PRDM5: variants seen among roughly 807,000 people sequenced by gnomAD.
PRDM5 encodes PR domain zinc finger protein 5.
In PRDM5, 56 loss-of-function variants were observed where a neutral mutation model predicts 81.2. The ratio of observed to expected loss-of-function variants is 0.69; its 90% CI spans 0.56 to 0.86. PRDM5 has a LOEUF of 0.86. Ranked by LOEUF, PRDM5 falls within the 40% of genes least tolerant of loss-of-function variation. The probability of loss-of-function intolerance (pLI) is 0.00; values close to 1 mark genes in which losing one functional copy is unlikely to be tolerated. For synonymous variants in PRDM5, 267 were observed against 256.4 expected, an observed-to-expected ratio of 1.04 and a Z score of -0.39; for missense variants, 697 against 770.1, an observed-to-expected ratio of 0.91 and a Z score of 1.12.
At chr4:120,801,984 C>A (rs142888725) in intron 8 of PRDM5, among the ~76,000 whole-genome samples, 81 of 152,058 alleles carry the variant, frequency 5.3e-4, no homozygotes, top group Non-Finnish European at 8.1e-4. Context: ...TGTTTAATTT[C>A]TATTGATATA....
At chr4:120,822,431 C>T (rs982319673) in intron 3 of PRDM5, among the ~76,000 whole-genome samples, 3 of 152,170 alleles carry the variant, frequency 2.0e-5, no homozygotes, top group Non-Finnish European at 4.4e-5. Context: ...AAAGCCTTCT[C>T]TTCTTTGGCA....
At chr4:120,787,368 A>G (rs1458644172) in intron 10 of PRDM5, among the ~76,000 whole-genome samples, 1 of 152,208 alleles carries the variant, frequency 6.6e-6, no homozygotes, top group African/African-American at 2.4e-5. Flanking sequence ...CTGACTGGCC[A>G]GTGCAGGAAT....
At chr4:120,716,060 C>T (rs953907346) in intron 14 of PRDM5, among the ~76,000 whole-genome samples, 2 of 152,098 alleles carry the variant, frequency 1.3e-5, no homozygotes, top group African/African-American at 4.8e-5. Context: ...GCAGTTATCA[C>T]AAGAGGTTTA....
chr4:120,745,953 A>G (rs1490193994), intron 14 of PRDM5, among the ~76,000 whole-genome samples: 2 of 150,708 alleles, frequency 1.3e-5, no homozygotes, highest in Non-Finnish European at 3.0e-5. Flanking sequence ...ATATGGAACC[A>G]AAAAAGAGCC....
At chr4:120,752,387 A>T (rs1744134807) in intron 14 of PRDM5, among the ~76,000 whole-genome samples, 1 of 152,196 alleles carries the variant, frequency 6.6e-6, no homozygotes, top group Admixed American at 6.5e-5. Flanking sequence ...TCTTCTACTC[A>T]TTACTCATTG....
intron 15 of PRDM5, among the ~76,000 whole-genome samples, chr4:120,704,582 T>A (rs1390793587): frequency 6.6e-6 from 1 of 152,216 alleles, no homozygotes; most frequent in African/African-American, 2.4e-5. Flanking sequence ...CACATACTTA[T>A]CACATACAAT....
chr4:120,800,430 T>C (rs963251866), intron 8 of PRDM5, among the ~76,000 whole-genome samples: 2 of 152,022 alleles, frequency 1.3e-5, no homozygotes, highest in Non-Finnish European at 2.9e-5. Context: ...AGCAGGATGA[T>C]TGTTTGAACC....
chr4:120,895,757 A>C lies in PRDM5; in HGVS notation c.177+11717T>G, dbSNP rs1561644623. ...GCTGGCACCATCATAGCTCACTGACACCTCAACCTCCTTGACTCAAACAAT... is the reference window on the plus strand; with the variant it reads ...GCTGGCACCATCATAGCTCACTGACCCCTCAACCTCCTTGACTCAAACAAT... On this transcript the variant is annotated intron_variant, in intron 2 of 15. Transcript: ENST00000264808. 3 of 152,312 alleles carry C rather than the reference A, an allele frequency of 2.0e-5. 1 individual carries two copies. The East Asian group carries it at 5.8e-4, about 30-fold the overall frequency. 9.4% of individuals were successfully genotyped at this position (152,312 alleles called of 1,614,324 possible).
rs534862535 is a variant in PRDM5, at chr4:120,726,755, C to T, written c.1624-16342G>A. ...CTCCAGGCAGGGATGAAAGAAGATA[C>T]ACTGGGCACTTGAAGACACAAATGG... On this transcript the variant is annotated intron_variant, in intron 14 of 15. Coordinates refer to ENST00000264808, the MANE Select transcript of PRDM5 (RefSeq NM_018699.4). Among the ~76,000 whole-genome samples, 13 of 152,252 alleles carry T rather than the reference C, an allele frequency of 8.5e-5. No homozygotes were observed. The South Asian group carries it at 1.9e-3, about 22-fold the overall frequency.
chr4:120,740,329 T>C (rs961845153), intron 14 of PRDM5, among the ~76,000 whole-genome samples: 7 of 152,220 alleles, frequency 4.6e-5, no homozygotes, highest in African/African-American at 1.7e-4. Context: ...TAATAAACTA[T>C]TCTTAAAAGT....
intron 14 of PRDM5, among the ~76,000 whole-genome samples, chr4:120,721,255 A>T (rs914180665): frequency 6.6e-6 from 1 of 152,114 alleles, no homozygotes; most frequent in Non-Finnish European, 1.5e-5. Context: ...ATATTCTCCT[A>T]ATTTCTAGTC....
chr4:120,726,305 AT>A (rs1352277640), intron 14 of PRDM5, among the ~76,000 whole-genome samples: 1 of 152,182 alleles, frequency 6.6e-6, no homozygotes, highest in Non-Finnish European at 1.5e-5. Flanking sequence ...AATTGAGGTA[AT>A]TTCCTTGTTT....
chr4:120,902,314 C>T (rs938965207), intron 2 of PRDM5, among the ~76,000 whole-genome samples: 20 of 152,102 alleles, frequency 1.3e-4, no homozygotes, highest in African/African-American at 4.6e-4. Flanking sequence ...CTGGAGAAAA[C>T]GTACTTGAAT....
chr4:120,886,460 C>G (rs761234133), intron 2 of PRDM5, among the ~76,000 whole-genome samples: 1 of 152,100 alleles, frequency 6.6e-6, no homozygotes, highest in African/African-American at 2.4e-5. Context: ...AGTTTAATAT[C>G]CAACCAATCT....
intron 2 of PRDM5, among the ~76,000 whole-genome samples, chr4:120,859,808 A>G (rs1375769386): frequency 6.6e-6 from 1 of 152,162 alleles, no homozygotes; most frequent in East Asian, 1.9e-4. Flanking sequence ...TTCTGAAGGC[A>G]AGAATCCCTC....
intron 12 of PRDM5, 74 bp downstream of exon 12, chr4:120,781,069 C>T: frequency 2.5e-6 from 3 of 1,219,718 alleles, no homozygotes; most frequent in Non-Finnish European, 3.6e-6. Flanking sequence ...ATAATTATCA[C>T]ATGTTAGTTA....
At chr4:120,778,639 A>AT (rs140881349) in intron 12 of PRDM5, among the ~76,000 whole-genome samples, 2 of 151,900 alleles carry the variant, frequency 1.3e-5, no homozygotes, top group African/African-American at 2.4e-5. Flanking sequence ...GTGTCTTTTG[A>AT]TTTTTTTTCC....
At chr4:120,904,297 G>A (rs1007039826) in intron 2 of PRDM5, among the ~76,000 whole-genome samples, 20 of 148,766 alleles carry the variant, frequency 1.3e-4, no homozygotes, top group Admixed American at 4.1e-4. Flanking sequence ...CTGACAATCC[G>A]AAATGAAGAC....
chr4:120,723,856 C>T (rs866725792), intron 14 of PRDM5, among the ~76,000 whole-genome samples: 1 of 149,318 alleles, frequency 6.7e-6, no homozygotes, highest in African/African-American at 2.5e-5. Context: ...GTATCATCCT[C>T]GTTGTTTTAT....
Sources: gnomAD v4.1 joint callset for allele counts (sites outside exome capture counted in the v4.1 genomes callset) on GRCh38, gnomAD v4.1.1 for gene constraint, MANE v1.5 for transcripts, NCBI Gene and HGNC (gene_info 2026-07-23, HGNC 2026-07-21) for gene names.